The following AP3S2 variants were observed in gnomAD, a reference collection of about 807,000 sequenced individuals.
The protein encoded by AP3S2 is adaptor related protein complex 3 subunit sigma 2.
In AP3S2, 22 loss-of-function variants were observed where a neutral mutation model predicts 23.4. The observed-to-expected ratio is 0.94, with a 90% CI of 0.67 to 1.34. The LOEUF is 1.34. Ranked by LOEUF, AP3S2 falls within the 40% of genes most tolerant of loss-of-function variation. AP3S2 has a pLI of 0.00. For synonymous variants in AP3S2, 86 were observed against 87.1 expected, an observed-to-expected ratio of 0.99 and a Z score of 0.07; for missense variants, 241 against 236.9, an observed-to-expected ratio of 1.02 and a Z score of -0.11.
intron 4 of AP3S2, among the ~76,000 whole-genome samples, chr15:89,860,234 C>A (rs1205007225): frequency 1.3e-5 from 2 of 152,202 alleles, no homozygotes; most frequent in Non-Finnish European, 2.9e-5. Flanking sequence ...TTTTCCTATA[C>A]ACACATACCT....
In AP3S2 at chr15:89,835,573, C is replaced by G; in HGVS notation, c.524G>C (p.Arg175Pro). The change falls in exon 6 of 6, where the codon CGG (arginine) becomes CCG (proline). Residue 175 changes from arginine to proline, a missense_variant. Transcript: ENST00000336418. ...GTTGAGATCGCCAATGTTGATGTTC[C>G]GAGGAATCTCTGGCAGGTTGATGTT... ...VKNINLPEIPRNINIGDLNIK... is the reference protein window; with the variant it reads ...VKNINLPEIPPNINIGDLNIK... 6.2e-7 allele frequency: 1 copy of G among 1,613,840 alleles called. No homozygotes were observed.
chr15:89,835,524 C>A lies in AP3S2; in HGVS notation c.573G>T (p.Gln191His). ...DLNIKVPNLS[Q>H]FV ...GGCCAATACTTGATCCTCAGACAAA[C>A]TGGGACAGGTTGGGAACTTTGATGT... The change falls in exon 6 of 6, where the codon CAG (glutamine) becomes CAT (histidine). Residue 191 changes from glutamine (Q) to histidine (H), a missense_variant. Physicochemically the swap from Gln to His is conservative, Grantham distance 24. Transcript: ENST00000336418. The A allele has an allele frequency of 6.2e-7, 1 of 1,613,812 alleles. No homozygotes were observed. The highest frequency in any genetic ancestry group is 8.5e-7 in the Non-Finnish European group (1 of 1,179,958).
At chr15:89,886,316 G>C (rs1260909483) in intron 3 of AP3S2, among the ~76,000 whole-genome samples, 2 of 152,040 alleles carry the variant, frequency 1.3e-5, no homozygotes, top group African/African-American at 2.4e-5. Context: ...CTGCACTCTA[G>C]ACTGGCAACA....
intron 1 of AP3S2, among the ~76,000 whole-genome samples, chr15:89,891,904 T>A (rs529694349): frequency 6.6e-6 from 1 of 152,204 alleles, no homozygotes; most frequent in South Asian, 2.1e-4. Flanking sequence ...CCAAGAGAAA[T>A]GAAGTCATAA....
In AP3S2 at chr15:89,835,420, C is replaced by G. The variant is rs892262581; in HGVS notation, c.*95G>C. The G allele has an allele frequency of 2.5e-6, 4 of 1,568,944 alleles. No individual in the cohort carries two copies. In the African/African-American group the frequency reaches 5.4e-5, roughly 21 times the overall value. On this transcript the variant is annotated 3_prime_UTR_variant, in exon 6 of 6. Coordinates refer to ENST00000336418, the MANE Select transcript of AP3S2 (RefSeq NM_005829.5). ...AGTTTCCAGGTCCTGAGGCTTGACT[C>G]TTCTAAGGCTCAAAATGGGTTCTGT...
At chr15:89,887,913 C>T (rs535743705) in intron 3 of AP3S2, among the ~76,000 whole-genome samples, 74 of 152,310 alleles carry the variant, frequency 4.9e-4, no homozygotes, top group African/African-American at 1.7e-3. Context: ...TCAAGTGATC[C>T]GCCCGCCTTG....
intron 4 of AP3S2, among the ~76,000 whole-genome samples, chr15:89,853,470 G>A (rs1337234238): frequency 6.6e-6 from 1 of 152,186 alleles, no homozygotes; most frequent in African/African-American, 2.4e-5. Flanking sequence ...CTTGATTTGA[G>A]ATGTTAAAAT....
chr15:89,838,880 G>T (rs1895258944), intron 4 of AP3S2, among the ~76,000 whole-genome samples: 1 of 152,138 alleles, frequency 6.6e-6, no homozygotes, highest in African/African-American at 2.4e-5. Flanking sequence ...GGAGCTCCTG[G>T]GTCTGGCTGG....
rs192107173 is a variant in AP3S2 at position 89,880,337 on chromosome 15, T to C, written c.273+8184A>G. ...TAGTTATAAATATCAGAGAACGTACTGAAAAACAACTGCCACAAAGGGGAA... is the reference window on the plus strand; with the variant it reads ...TAGTTATAAATATCAGAGAACGTACCGAAAAACAACTGCCACAAAGGGGAA... On this transcript the variant is annotated intron_variant, in intron 3 of 5. Transcript: ENST00000336418. 3.9e-5 allele frequency among the ~76,000 whole-genome samples: 6 copies of C among 152,206 alleles called. No homozygotes were observed. The East Asian group carries it at 1.2e-3, about 29-fold the overall frequency.
At chr15:89,845,118 G>A (rs1380342738) in intron 4 of AP3S2, among the ~76,000 whole-genome samples, 1 of 152,074 alleles carries the variant, frequency 6.6e-6, no homozygotes, top group Non-Finnish European at 1.5e-5. Context: ...TGTTGCCCAG[G>A]CTGGTCTTGA....
rs1197073483 is a variant in AP3S2, at chr15:89,892,665, C to CTT, written c.69+1214_69+1215dup. 1.8e-3 allele frequency among the ~76,000 whole-genome samples: 211 copies of CTT among 118,858 alleles called. 1 individual carries two copies. Among genetic ancestry groups the CTT allele is most frequent in the African/African-American group, 6.1e-3 (188 of 30,914 alleles). 78.0% of individuals were successfully genotyped at this position (118,858 alleles called of 152,430 possible). A position where few individuals can be genotyped will look rare whatever the true frequency, so the allele number is the denominator to read the frequency against. ...TCATATACATACATATATATATATA[C>CTT]TTTTTTGTGTGTGTGTGTGATGGAG... On this transcript the variant is annotated intron_variant, in intron 1 of 5. Transcript: ENST00000336418.
At position 89,888,613 on chromosome 15, in the gene AP3S2, A is replaced by G. The variant is rs761268298; in HGVS notation, c.181T>C (p.Tyr61His). 2 of 1,614,218 alleles carry G rather than the reference A, an allele frequency of 1.2e-6. No homozygotes were observed. Among genetic ancestry groups the G allele is most frequent in the Admixed American group, 1.7e-5 (1 of 60,028 alleles). The part of the protein sequence containing the change: ...EGGSLIGGSD[Y>H]KLIYRHYATL... Reference sequence around the variant, plus strand: ...GCATAGTGCCGGTAGATCAGTTTGTAGTCAGAGCCACCAATCAAACTGCAG... The same window carrying G: ...GCATAGTGCCGGTAGATCAGTTTGTGGTCAGAGCCACCAATCAAACTGCAG... The change falls in exon 3 of 6, where the codon TAC (tyrosine) becomes CAC (histidine). Residue 61 changes from tyrosine to histidine, a missense_variant. Transcript: ENST00000336418.
At chr15:89,867,813 C>T (rs1234987962) in intron 4 of AP3S2, among the ~76,000 whole-genome samples, 25 of 128,860 alleles carry the variant, frequency 1.9e-4, no homozygotes, top group Non-Finnish European at 3.0e-4. Context: ...CCCCTCCGCC[C>T]GGCAGCTGCC....
At chr15:89,877,526 A>G (rs1159482523) in intron 3 of AP3S2, 1 of 625,476 alleles carries the variant, frequency 1.6e-6, no homozygotes, top group Non-Finnish European at 2.6e-6. Flanking sequence ...AACCATCACC[A>G]CCATCCATGT....
chr15:89,881,877 A>G (rs1317443945), intron 3 of AP3S2, among the ~76,000 whole-genome samples: 1 of 151,630 alleles, frequency 6.6e-6, no homozygotes, highest in African/African-American at 2.4e-5. Context: ...CTGGAGCGCA[A>G]TGGCACGATC....
At chr15:89,842,528 C>A (rs887921255) in intron 4 of AP3S2, among the ~76,000 whole-genome samples, 1 of 152,204 alleles carries the variant, frequency 6.6e-6, no homozygotes, top group Non-Finnish European at 1.5e-5. Context: ...ATGAAAATTT[C>A]CACATTAATA....
At chr15:89,893,336 AT>A (rs1296540195) in intron 1 of AP3S2, 2 of 172,432 alleles carry the variant, frequency 1.2e-5, no homozygotes, top group African/African-American at 4.7e-5. Flanking sequence ...ATGCGGCAGC[AT>A]TTATAATTTC....
At chr15:89,886,299 C>T (rs928408330) in intron 3 of AP3S2, among the ~76,000 whole-genome samples, 22 of 151,930 alleles carry the variant, frequency 1.4e-4, no homozygotes, top group African/African-American at 5.3e-4. Flanking sequence ...GAGCTGAGAT[C>T]GTGCCACTGC....
rs796879845 is a variant in AP3S2, at chr15:89,868,004, C to G, written c.345+3471G>C. On this transcript the variant is annotated intron_variant, in intron 4 of 5. Coordinates refer to ENST00000336418, the MANE Select transcript of AP3S2 (RefSeq NM_005829.5). ...GAGGGAGGTGGGGGGGTCAGCCCCC[C>G]GCCCGGCCAGCCGCCCCGTCCAGGA... Among the ~76,000 whole-genome samples, 8 of 144,236 alleles carry G rather than the reference C, an allele frequency of 5.5e-5. No individual in the cohort carries two copies. In the South Asian group the frequency reaches 1.6e-3, roughly 28 times the overall value. 94.6% of individuals were successfully genotyped at this position (144,236 alleles called of 152,430 possible).
Sources: gnomAD v4.1 joint callset for allele counts (sites outside exome capture counted in the v4.1 genomes callset) on GRCh38, gnomAD v4.1.1 for gene constraint, MANE v1.5 for transcripts, NCBI Gene and HGNC (gene_info 2026-07-23, HGNC 2026-07-21) for gene names.